The following PRDM5 variants were observed in gnomAD, a reference collection of about 807,000 sequenced individuals.
The protein encoded by PRDM5 is PR domain zinc finger protein 5.
Under a neutral mutation model 81.2 loss-of-function variants are expected in PRDM5, and 56 were observed. The observed-to-expected ratio is 0.69, with a 90% CI of 0.56 to 0.86. The LOEUF (loss-of-function observed/expected upper bound fraction) is 0.86. Ranked by LOEUF, PRDM5 falls within the 40% of genes least tolerant of loss-of-function variation. PRDM5 has a pLI of 0.00. For missense variants in PRDM5, 697 were observed against 770.1 expected (o/e 0.91, Z 1.12); for synonymous variants, 267 against 256.4 (o/e 1.04, Z -0.39).
intron 10 of PRDM5, among the ~76,000 whole-genome samples, chr4:120,788,347 G>T (rs1245783473): frequency 6.6e-6 from 1 of 152,000 alleles, no homozygotes; most frequent in Admixed American, 6.6e-5. Flanking sequence ...CATTTAAGCC[G>T]CATACATATA....
chr4:120,724,900 T>C (rs1032365280), intron 14 of PRDM5, among the ~76,000 whole-genome samples: 1 of 152,172 alleles, frequency 6.6e-6, no homozygotes, highest in African/African-American at 2.4e-5. Flanking sequence ...CATATCAATA[T>C]AAATTACATC....
chr4:120,719,756 G>T (rs2149052983), intron 14 of PRDM5, among the ~76,000 whole-genome samples: 1 of 152,252 alleles, frequency 6.6e-6, no homozygotes, highest in South Asian at 2.1e-4. Context: ...GCTACTTGGG[G>T]ATTCATTATC....
chr4:120,696,152 G>C (rs1048381198), intron 15 of PRDM5, among the ~76,000 whole-genome samples: 1 of 152,032 alleles, frequency 6.6e-6, no homozygotes, highest in African/African-American at 2.4e-5. Flanking sequence ...GGCCCTAATT[G>C]GGTAAGAAGG....
intron 14 of PRDM5, among the ~76,000 whole-genome samples, chr4:120,723,857 G>A (rs843575): frequency 0.75 from 111,719 of 149,668 alleles, 43,282 homozygotes; most frequent in Non-Finnish European, 0.85. Flanking sequence ...TATCATCCTC[G>A]TTGTTTTATC....
chr4:120,788,149 A>G (rs181686085), intron 10 of PRDM5, among the ~76,000 whole-genome samples: 84 of 152,260 alleles, frequency 5.5e-4, no homozygotes, highest in Non-Finnish European at 9.8e-4. Context: ...CAACTGACAA[A>G]TTTTTGCAAA....
chr4:120,803,679 G>C (rs939842139), intron 8 of PRDM5, among the ~76,000 whole-genome samples: 1 of 152,176 alleles, frequency 6.6e-6, no homozygotes, highest in Non-Finnish European at 1.5e-5. Context: ...CACCAGGCCT[G>C]CCCTACAAGA....
intron 3 of PRDM5, among the ~76,000 whole-genome samples, chr4:120,828,131 A>G (rs1403721012): frequency 6.6e-6 from 1 of 152,096 alleles, no homozygotes; most frequent in African/African-American, 2.4e-5. Flanking sequence ...ATAGACTTGA[A>G]TTTGTATCCT....
chr4:120,782,622 T>C (rs959578470), intron 11 of PRDM5, among the ~76,000 whole-genome samples: 4 of 152,172 alleles, frequency 2.6e-5, no homozygotes, highest in African/African-American at 9.6e-5. Flanking sequence ...ATGTGGATTC[T>C]GAGAGCTTGG....
At chr4:120,818,238 A>G in intron 5 of PRDM5, 115 bp downstream of exon 5, 1 of 1,094,782 alleles carries the variant, frequency 9.1e-7, no homozygotes, top group Non-Finnish European at 1.3e-6. Flanking sequence ...CACACACAAA[A>G]CATGCGCGTG....
intron 12 of PRDM5, among the ~76,000 whole-genome samples, chr4:120,779,531 T>C (rs78728973): frequency 0.2 from 30,298 of 152,150 alleles, 3,675 homozygotes; most frequent in Non-Finnish European, 0.28. Flanking sequence ...GATAATATCA[T>C]TATTACTCAG....
intron 2 of PRDM5, among the ~76,000 whole-genome samples, chr4:120,884,247 T>C (rs1763160825): frequency 6.6e-6 from 1 of 152,194 alleles, no homozygotes; most frequent in Non-Finnish European, 1.5e-5. Context: ...GACATTAATG[T>C]CGTATGTATT....
At chr4:120,868,207 C>T (rs1032015911) in intron 2 of PRDM5, among the ~76,000 whole-genome samples, 1 of 152,004 alleles carries the variant, frequency 6.6e-6, no homozygotes, top group African/African-American at 2.4e-5. Context: ...TATCAAAATT[C>T]CTTAATCAGA....
intron 13 of PRDM5, among the ~76,000 whole-genome samples, chr4:120,755,472 T>G (rs1034735688): frequency 6.6e-6 from 1 of 152,210 alleles, no homozygotes; most frequent in Admixed American, 6.5e-5. Context: ...ATCAATATAA[T>G]AAAATATTTT....
intron 13 of PRDM5, among the ~76,000 whole-genome samples, chr4:120,774,836 A>C (rs1235268425): frequency 6.6e-6 from 1 of 151,132 alleles, no homozygotes; most frequent in East Asian, 1.9e-4. Flanking sequence ...CTGTGTGGAC[A>C]CACAAACACA....
chr4:120,813,482 TA>T (rs1160902498), intron 7 of PRDM5, among the ~76,000 whole-genome samples: 3 of 152,220 alleles, frequency 2.0e-5, no homozygotes, highest in Non-Finnish European at 4.4e-5. Flanking sequence ...CGTTTTATTA[TA>T]GGACTGCATT....
At chr4:120,762,261 A>G (rs1745730408) in intron 13 of PRDM5, 1 of 152,172 alleles carries the variant, frequency 6.6e-6, no homozygotes, top group Non-Finnish European at 1.5e-5. Flanking sequence ...ATGTTTAAAG[A>G]TTTTGGAAGC....
intron 1 of PRDM5, among the ~76,000 whole-genome samples, chr4:120,686,329 A>C (rs977869091): frequency 6.6e-6 from 1 of 152,052 alleles, no homozygotes; most frequent in Non-Finnish European, 1.5e-5. Context: ...AGAATTGTGG[A>C]CTTATATAGC....
chr4:120,790,530 G>C (rs116346442), intron 10 of PRDM5, among the ~76,000 whole-genome samples: 3,283 of 152,146 alleles, frequency 0.022, 50 homozygotes, highest in Middle Eastern at 0.034. Context: ...AAAGAAATTG[G>C]TAATTTTTTT....
chr4:120,903,655 G>A (rs1765445295), intron 2 of PRDM5, among the ~76,000 whole-genome samples: 1 of 152,160 alleles, frequency 6.6e-6, no homozygotes, highest in South Asian at 2.1e-4. Context: ...ACCATGAACT[G>A]CAATAATCCC....
Sources: allele counts gnomAD v4.1 joint callset (sites outside exome capture counted in the v4.1 genomes callset), GRCh38; gene constraint gnomAD v4.1.1; transcripts MANE v1.5; gene names NCBI Gene and HGNC (gene_info 2026-07-23, HGNC 2026-07-21).